NRIP2: variants seen among roughly 807,000 people sequenced by gnomAD.
NRIP2 encodes nuclear receptor interacting protein 2, also known as nuclear receptor-interacting protein 2.
NRIP2 carries 27 observed loss-of-function variants against 34.1 expected under a neutral mutation model. That is an observed-to-expected ratio of 0.79 (90% confidence interval 0.58 to 1.09). The LOEUF is 1.09. Among genes scored for constraint, NRIP2 ranks in the 50% least tolerant of loss-of-function variants. The pLI is 0.00. For missense variants in NRIP2, 385 were observed against 352.6 expected (o/e 1.09, Z -0.74); for synonymous variants, 145 against 146.9 (o/e 0.99, Z 0.09).
chr12:2,829,393 A>G (rs1013652782), intron 2 of NRIP2, among the ~76,000 whole-genome samples: 6 of 152,242 alleles, frequency 3.9e-5, no homozygotes, highest in Non-Finnish European at 8.8e-5. Context: ...ACCGGAAGGT[A>G]TATCAATGAA....
intron 1 of NRIP2, 184 bp from the exon 2 acceptor site, chr12:2,831,044 C>T: frequency 1.9e-6 from 1 of 529,754 alleles, no homozygotes. Flanking sequence ...CAAATCATGC[C>T]GTTTTCCTTG....
intron 2 of NRIP2, chr12:2,830,461 T>A: frequency 3.3e-5 from 14 of 424,590 alleles, no homozygotes; most frequent in South Asian, 1.4e-4. Flanking sequence ...CTTACTTAAT[T>A]TAAGTATTGT....
chr12:2,826,927 T>C lies in NRIP2; in HGVS notation c.*280A>G, dbSNP rs1424689756. On this transcript the variant is annotated 3_prime_UTR_variant, in exon 6 of 6. Coordinates refer to ENST00000337508, the MANE Select transcript of NRIP2 (RefSeq NM_031474.3). ...ACCCCATTGTGCTTAGGTTCCTATC[T>C]GTGGTCTTGATTTGGCTTTGCTTTT... is the stretch of plus-strand genomic sequence containing the variant. 1 of 1,223,028 alleles carries C rather than the reference T, an allele frequency of 8.2e-7. No homozygotes were observed. The highest frequency in any genetic ancestry group is 1.6e-5 in the African/African-American group (1 of 63,440). 75.8% of individuals were successfully genotyped at this position (1,223,028 alleles called of 1,614,324 possible).
chr12:2,831,224 C>A (rs1230883019), intron 1 of NRIP2, among the ~76,000 whole-genome samples: 1 of 151,220 alleles, frequency 6.6e-6, no homozygotes, highest in Non-Finnish European at 1.5e-5. Flanking sequence ...TTTTCTTCCC[C>A]TCTGACCTCA....
At chr12:2,831,578 TG>T (rs1054634129) in intron 1 of NRIP2, among the ~76,000 whole-genome samples, 1 of 150,968 alleles carries the variant, frequency 6.6e-6, no homozygotes, top group African/African-American at 2.5e-5. Flanking sequence ...AGCAAGACTC[TG>T]TCTCAAAAAA....
chr12:2,832,558 C>A (rs1291276759), intron 1 of NRIP2, among the ~76,000 whole-genome samples: 1 of 151,692 alleles, frequency 6.6e-6, no homozygotes, highest in East Asian at 1.9e-4. Context: ...CAGGATGTAC[C>A]CTCTCCAGGA....
Position 2,834,696 on chromosome 12 carries a change from C to A in NRIP2, c.288G>T (p.Ser96=). The change falls in exon 1 of 6, where the codon TCG becomes TCT. Residue 96 remains serine, a synonymous_variant. Transcript: ENST00000337508. ...KQATQFLHKD[S]ADLLPLDSLK... Reference sequence around the variant, plus strand: ...GGCTGTCCAGCGGGAGCAGGTCGGCCGAGTCCTTGTGCAGGAACTGGGTGG... The same window carrying A: ...GGCTGTCCAGCGGGAGCAGGTCGGCAGAGTCCTTGTGCAGGAACTGGGTGG... The A allele has an allele frequency of 1.2e-6, 2 of 1,613,744 alleles. No individual in the cohort carries two copies. The highest frequency in any genetic ancestry group is 1.7e-6 in the Non-Finnish European group (2 of 1,179,882).
rs139099727 is a variant in NRIP2, at chr12:2,834,753, G to A, written c.231C>T (p.Ala77=). The change falls in exon 1 of 6, where the codon GCC becomes GCT. Residue 77 remains alanine, a synonymous_variant. Coordinates refer to ENST00000337508, the MANE Select transcript of NRIP2 (RefSeq NM_031474.3). ...RGQEAQLRDR[A]HLSQQRRLKQ... is the part of the protein sequence containing the mutation. ...TGAGCCGGCGCTGCTGGCTCAGGTG[G>A]GCTCGGTCTCGAAGCTGTGCCTCCT... 6.2e-7 allele frequency: 1 copy of A among 1,613,946 alleles called. No homozygotes were observed. The highest frequency in any genetic ancestry group is 8.5e-7 in the Non-Finnish European group (1 of 1,179,986).
Position 2,827,143 on chromosome 12 carries a change from G to T in NRIP2, c.*64C>A. ...CAGCTACCTGGCTTCAAGAGCCCCC[G>T]TTCCCCACACGCCTCTTCTTCTAAG... On this transcript the variant is annotated 3_prime_UTR_variant, in exon 6 of 6. Coordinates refer to ENST00000337508, the MANE Select transcript of NRIP2 (RefSeq NM_031474.3). The surrounding 1 kb of genome is among the most constrained non-coding windows in gnomAD (Gnocchi z 4.0). 1 of 1,609,328 alleles carries T rather than the reference G, an allele frequency of 6.2e-7. No homozygotes were observed.
At position 2,834,785 on chromosome 12, in the gene NRIP2, T is replaced by A; in HGVS notation, c.199A>T (p.Arg67Trp). The A allele has an allele frequency of 6.2e-7, 1 of 1,613,680 alleles. No homozygotes were observed. The highest frequency in any genetic ancestry group is 8.5e-7 in the Non-Finnish European group (1 of 1,179,948). Residue 67 changes from arginine to tryptophan, a missense_variant, in exon 1 of 6, where the codon AGG becomes TGG. Transcript: ENST00000337508. ...ARRDEGEARTRGQEAQLRDRA... is the reference protein window; with the variant it reads ...ARRDEGEARTWGQEAQLRDRA... ...TCTCGAAGCTGTGCCTCCTGCCCCC[T>A]CGTCCTGGCTTCTCCCTCATCTCTC...
In NRIP2 at chr12:2,827,711, G is replaced by C. The variant is rs1565425302; in HGVS notation, c.701-34C>G. 2 of 1,613,440 alleles carry C rather than the reference G, an allele frequency of 1.2e-6. No homozygotes were observed. Among genetic ancestry groups the C allele is most frequent in the Admixed American group, 3.3e-5 (2 of 59,988 alleles). The stretch of plus-strand genomic sequence containing the variant: ...ACAATTTGAAAACAGAAGAGGCTGA[G>C]GGTTCCCAGTGGTCACTGCTGCCCT... On this transcript the variant is annotated intron_variant, in intron 4 of 5. Coordinates refer to ENST00000337508, the MANE Select transcript of NRIP2 (RefSeq NM_031474.3). The surrounding 1 kb of genome is among the most constrained non-coding windows in gnomAD (Gnocchi z 4.0).
chr12:2,828,495 T>A, intron 2 of NRIP2, 81 bp from the exon 3 acceptor site: 1 of 1,053,834 alleles, frequency 9.5e-7, no homozygotes, highest in Non-Finnish European at 1.5e-6. Flanking sequence ...CCCAGCCCAT[T>A]GATGATTCCC....
rs1256866740 is a variant in NRIP2 at position 2,827,107 on chromosome 12, A to C, written c.*100T>G. On this transcript the variant is annotated 3_prime_UTR_variant, in exon 6 of 6. Coordinates refer to ENST00000337508, the MANE Select transcript of NRIP2 (RefSeq NM_031474.3). The surrounding 1 kb of genome is among the most constrained non-coding windows in gnomAD (Gnocchi z 4.0). ...CAGGGAGGTGATTGGAAGGGCAGACACCATAGTCCCCAGCTACCTGGCTTC... is the reference window on the plus strand; with the variant it reads ...CAGGGAGGTGATTGGAAGGGCAGACCCCATAGTCCCCAGCTACCTGGCTTC... The C allele has an allele frequency of 5.7e-6, 9 of 1,568,478 alleles. No individual in the cohort carries two copies. Among genetic ancestry groups the C allele is most frequent in the Non-Finnish European group, 6.9e-6 (8 of 1,162,658 alleles).
rs762258695 is a variant in NRIP2 at position 2,827,340 on chromosome 12, G to A, written c.754-41C>T. 4.4e-6 allele frequency: 7 copies of A among 1,588,230 alleles called. No individual in the cohort carries two copies. The highest frequency in any genetic ancestry group is 1.8e-5 in the Admixed American group (1 of 54,202). On this transcript the variant is annotated intron_variant, in intron 5 of 5. Transcript: ENST00000337508. The surrounding 1 kb of genome is among the most constrained non-coding windows in gnomAD (Gnocchi z 4.0). ...CAGTCATGCCAGGTCACCTCAGCCCGCCACCTGCCTCCCGGCCTGCTCCTT... is the reference window on the plus strand; with the variant it reads ...CAGTCATGCCAGGTCACCTCAGCCCACCACCTGCCTCCCGGCCTGCTCCTT...
At chr12:2,833,133 G>A (rs983596204) in intron 1 of NRIP2, among the ~76,000 whole-genome samples, 6 of 152,008 alleles carry the variant, frequency 3.9e-5, no homozygotes, top group South Asian at 2.1e-4. Flanking sequence ...ATCAATTGGG[G>A]ATATCCTAGG....
intron 1 of NRIP2, 110 bp downstream of exon 1, chr12:2,834,532 G>T: frequency 7.0e-7 from 1 of 1,430,586 alleles, no homozygotes; most frequent in Non-Finnish European, 9.3e-7. Flanking sequence ...GCAAGGGAGC[G>T]GGACCTGAAA....
chr12:2,829,155 G>A (rs995571807), intron 2 of NRIP2, among the ~76,000 whole-genome samples: 6 of 152,184 alleles, frequency 3.9e-5, no homozygotes, highest in African/African-American at 1.4e-4. Context: ...TTGGGAGTTT[G>A]ATGGCCTCCT....
At position 2,826,441 on chromosome 12, in the gene NRIP2, C is replaced by T. The variant is rs1231582847; in HGVS notation, c.*766G>A. 6.6e-6 allele frequency: 1 copy of T among 151,968 alleles called. No homozygotes were observed. The highest frequency in any genetic ancestry group is 1.5e-5 in the Non-Finnish European group (1 of 68,040). The allele number at this position is 151,968 out of a possible 1,614,324, so 9.4% of individuals were successfully genotyped here. A position where few individuals can be genotyped will look rare whatever the true frequency, so the allele number is the denominator to read the frequency against. Reference sequence around the variant, plus strand: ...CACAGGAGCAGTTCTCTACAAGGCTCTTCCACACACACACACGCAAGGCTC... The same window carrying T: ...CACAGGAGCAGTTCTCTACAAGGCTTTTCCACACACACACACGCAAGGCTC... On this transcript the variant is annotated 3_prime_UTR_variant, in exon 6 of 6. Coordinates refer to ENST00000337508, the MANE Select transcript of NRIP2 (RefSeq NM_031474.3).
Position 2,830,720 on chromosome 12 carries a change from C to T in NRIP2, c.483G>A (p.Leu161=). 1 of 1,611,776 alleles carries T rather than the reference C, an allele frequency of 6.2e-7. No individual in the cohort carries two copies. ...GGAGGCCTCTCACCTTGCAGTTGAC[C>T]AGAAGAGCTGGAATCTCTGTCCTGC... The part of the protein sequence containing the change: ...KTSRTEIPAL[L]VNCKCQDQLL... Residue 161 remains leucine, a synonymous_variant, in exon 2 of 6, where the codon CTG becomes CTA. Coordinates refer to ENST00000337508, the MANE Select transcript of NRIP2 (RefSeq NM_031474.3).
Sources: allele counts gnomAD v4.1 joint callset (sites outside exome capture counted in the v4.1 genomes callset), GRCh38; gene constraint gnomAD v4.1.1; non-coding constraint Gnocchi (gnomAD v3.1); transcripts MANE v1.5; gene names NCBI Gene and HGNC (gene_info 2026-07-23, HGNC 2026-07-21).